The following SEZ6L variants were observed in gnomAD, a reference collection of about 807,000 sequenced individuals.
SEZ6L encodes seizure related 6 homolog like.
Under a neutral mutation model 106.2 loss-of-function variants are expected in SEZ6L, and 37 were observed. The ratio of observed to expected loss-of-function variants is 0.35; its 90% CI spans 0.27 to 0.46. SEZ6L has a LOEUF of 0.46. Among genes scored for constraint, SEZ6L ranks in the 20% least tolerant of loss-of-function variants. The pLI is 1.00. For missense variants in SEZ6L, 1,172 were observed against 1,332.8 expected (o/e 0.88, Z 1.88); for synonymous variants, 541 against 570.4 (o/e 0.95, Z 0.73).
chr22:26,182,255 C>T (rs17299838), intron 1 of SEZ6L, among the ~76,000 whole-genome samples: 3 of 152,168 alleles, frequency 2.0e-5, no homozygotes, highest in African/African-American at 4.8e-5. Context: ...AAACTCCTCA[C>T]GTCTAGGTCA....
chr22:26,351,710 C>T (rs1601589762), intron 12 of SEZ6L, among the ~76,000 whole-genome samples: 1 of 152,012 alleles, frequency 6.6e-6, no homozygotes, highest in Non-Finnish European at 1.5e-5. Context: ...CCATGCCTGG[C>T]TAATTTTTAT....
At chr22:26,312,086 C>A in intron 8 of SEZ6L, 124 bp downstream of exon 8, 1 of 948,364 alleles carries the variant, frequency 1.1e-6, no homozygotes, top group Non-Finnish European at 1.6e-6. Flanking sequence ...GATTAGAACC[C>A]TTTCCAGGGT....
intron 1 of SEZ6L, among the ~76,000 whole-genome samples, chr22:26,249,279 G>A (rs2145790108): frequency 6.6e-6 from 1 of 152,192 alleles, no homozygotes; most frequent in East Asian, 1.9e-4. Context: ...CTCCGATCTA[G>A]CTGTAAGTTT....
intron 9 of SEZ6L, among the ~76,000 whole-genome samples, chr22:26,336,493 A>C (rs995195401): frequency 6.6e-5 from 10 of 152,180 alleles, no homozygotes; most frequent in African/African-American, 2.4e-4. Context: ...TGATCTCTGC[A>C]TCTGGAGAAT....
At chr22:26,221,584 T>C (rs985859200) in intron 1 of SEZ6L, among the ~76,000 whole-genome samples, 10 of 152,218 alleles carry the variant, frequency 6.6e-5, no homozygotes, top group African/African-American at 2.4e-4. Flanking sequence ...TCCCGGCACA[T>C]AGCAAGCACT....
intron 1 of SEZ6L, among the ~76,000 whole-genome samples, chr22:26,237,073 G>A (rs1264887571): frequency 6.6e-6 from 1 of 152,310 alleles, no homozygotes; most frequent in East Asian, 1.9e-4. Context: ...GAGTCACACA[G>A]GGATAGGTTC....
chr22:26,294,378 T>A lies in SEZ6L; in HGVS notation c.922T>A (p.Cys308Ser). Residue 308 changes from cysteine (C) to serine (S), a missense_variant, in exon 3 of 17, where the codon TGC becomes AGC. Physicochemically the swap from Cys to Ser is moderately radical, Grantham distance 112. Coordinates refer to ENST00000248933, the MANE Select transcript of SEZ6L (RefSeq NM_021115.5). Reference protein sequence around the residue: ...PLLPLNNFLECTYNVTVYTGY... With the variant: ...PLLPLNNFLESTYNVTVYTGY... ...GCTGCCCCTCAACAACTTTCTGGAG[T>A]GCACATACAACGTGACAGTCTACAC... 1 of 1,613,930 alleles carries A rather than the reference T, an allele frequency of 6.2e-7. No homozygotes were observed. The highest frequency in any genetic ancestry group is 1.3e-5 in the African/African-American group (1 of 74,948).
chr22:26,302,816 C>A (rs941259953), intron 5 of SEZ6L, among the ~76,000 whole-genome samples: 2 of 152,186 alleles, frequency 1.3e-5, no homozygotes, highest in Non-Finnish European at 2.9e-5. Context: ...ACAGAGCCAT[C>A]AGTTGGCTTA....
intron 12 of SEZ6L, 196 bp downstream of exon 12, chr22:26,351,439 C>A (rs999842970): frequency 1.4e-5 from 7 of 508,890 alleles, no homozygotes; most frequent in Non-Finnish European, 2.4e-5. Context: ...ATTTATCACG[C>A]GTTGCTCTAA....
intron 1 of SEZ6L, among the ~76,000 whole-genome samples, chr22:26,270,014 T>C (rs1220189825): frequency 6.6e-6 from 1 of 152,092 alleles, no homozygotes; most frequent in African/African-American, 2.4e-5. Flanking sequence ...AGCAAGGACA[T>C]GAAAAGTGGT....
intron 12 of SEZ6L, among the ~76,000 whole-genome samples, chr22:26,360,384 T>C (rs535584650): frequency 2.6e-4 from 40 of 152,308 alleles, no homozygotes; most frequent in Middle Eastern, 6.8e-3. Context: ...CTGGAATACA[T>C]ACAGGACTGA....
At chr22:26,322,127 T>G (rs529185457) in intron 9 of SEZ6L, among the ~76,000 whole-genome samples, 1 of 152,306 alleles carries the variant, frequency 6.6e-6, no homozygotes, top group East Asian at 1.9e-4. Flanking sequence ...TTAGAGATAA[T>G]GTATGCCAAG....
rs755681550 is a variant in SEZ6L at position 26,347,889 on chromosome 22, A to G, written c.2383A>G (p.Ser795Gly). 4 of 1,574,380 alleles carry G rather than the reference A, an allele frequency of 2.5e-6. No individual in the cohort carries two copies. In the African/African-American group the frequency reaches 4.2e-5, roughly 16 times the overall value. The change falls in exon 11 of 17, where the codon AGC (serine) becomes GGC (glycine). Residue 795 changes from serine (S) to glycine (G), a missense_variant. Around this residue, in one of 4 missense-constraint regions of SEZ6L, gnomAD observed 534 missense variants for 691.0 expected, o/e 0.77. Transcript: ENST00000248933. ...LTCQWDLSWS[S>G]DPPFCEKIMY... ...CTGCCAGTGGGACCTCAGCTGGAGC[A>G]GCGACCCCCCATTTTGTGAGAAAAG...
At chr22:26,273,239 C>G (rs1291054788) in intron 1 of SEZ6L, among the ~76,000 whole-genome samples, 1 of 152,250 alleles carries the variant, frequency 6.6e-6, no homozygotes, top group Non-Finnish European at 1.5e-5. Flanking sequence ...CTTTCCCCCA[C>G]CCCAGGACAA....
chr22:26,277,727 TA>T (rs1489676045), intron 1 of SEZ6L, among the ~76,000 whole-genome samples: 1 of 152,162 alleles, frequency 6.6e-6, no homozygotes. Context: ...TGTGATTCAT[TA>T]AATAGATGCT....
chr22:26,223,974 T>A (rs1446590743), intron 1 of SEZ6L, among the ~76,000 whole-genome samples: 2 of 152,174 alleles, frequency 1.3e-5, no homozygotes, highest in East Asian at 3.8e-4. Context: ...ATATTCAATA[T>A]TGGAACTAAT....
At chr22:26,337,388 C>T (rs2082679494) in intron 9 of SEZ6L, among the ~76,000 whole-genome samples, 2 of 152,236 alleles carry the variant, frequency 1.3e-5, no homozygotes. Context: ...CTGTAAACTA[C>T]TGTTACCAGC....
At chr22:26,209,991 G>GAGGAAGGAAGGGAGGGAGAC (rs1569382195) in intron 1 of SEZ6L, among the ~76,000 whole-genome samples, 1 of 131,384 alleles carries the variant, frequency 7.6e-6, no homozygotes, top group African/African-American at 2.8e-5. Flanking sequence ...GGAAGGAAGG[G>GAGGAAGGAAGGGAGGGAGAC]AGGAAGGAAG....
chr22:26,260,303 C>T (rs1328677527), intron 1 of SEZ6L, among the ~76,000 whole-genome samples: 1 of 152,116 alleles, frequency 6.6e-6, no homozygotes, highest in African/African-American at 2.4e-5. Flanking sequence ...ACTATTTCCC[C>T]TGAGTCCCTG....
Sources: allele counts gnomAD v4.1 joint callset (sites outside exome capture counted in the v4.1 genomes callset), GRCh38; gene constraint gnomAD v4.1.1; regional missense constraint gnomAD v4.1.1; transcripts MANE v1.5; gene names NCBI Gene and HGNC (gene_info 2026-07-23, HGNC 2026-07-21).